LAMA2: variants seen among roughly 807,000 people sequenced by gnomAD.
LAMA2 encodes the protein laminin subunit alpha-2.
Under a neutral mutation model 364.8 loss-of-function variants are expected in LAMA2, and 269 were observed. That is an observed-to-expected ratio of 0.74 (90% CI 0.67 to 0.82). The LOEUF (loss-of-function observed/expected upper bound fraction) is 0.82. Among genes scored for constraint, LAMA2 ranks in the 40% least tolerant of loss-of-function variants. The probability of loss-of-function intolerance (pLI) is 0.00; values close to 1 mark genes in which losing one functional copy is unlikely to be tolerated. For missense variants in LAMA2, 3,807 were observed against 3,873.2 expected, an observed-to-expected ratio of 0.98 and a Z score of 0.45; for synonymous variants, 1,379 against 1,370.6, an observed-to-expected ratio of 1.01 and a Z score of -0.14.
At chr6:129,275,587 A>T (rs1199718533) in intron 17 of LAMA2, among the ~76,000 whole-genome samples, 1 of 152,054 alleles carries the variant, frequency 6.6e-6, no homozygotes, top group African/African-American at 2.4e-5. Context: ...ATTATGCTAC[A>T]TAGTTACAGT....
intron 4 of LAMA2, among the ~76,000 whole-genome samples, chr6:129,117,182 A>T (rs1490075981): frequency 1.3e-5 from 2 of 152,206 alleles, no homozygotes; most frequent in Non-Finnish European, 2.9e-5. Flanking sequence ...TTTTATTAGC[A>T]ATGAATTCTC....
intron 12 of LAMA2, among the ~76,000 whole-genome samples, chr6:129,233,993 A>T (rs1030755611): frequency 6.6e-6 from 1 of 152,150 alleles, no homozygotes; most frequent in African/African-American, 2.4e-5. Flanking sequence ...TTTTTTCCGC[A>T]TCTGACCAAG....
chr6:128,921,709 T>TGTTTTG (rs1453277376), intron 1 of LAMA2, among the ~76,000 whole-genome samples: 2 of 133,500 alleles, frequency 1.5e-5, no homozygotes, highest in African/African-American at 6.9e-5. Flanking sequence ...TTTTTTTTTT[T>TGTTTTG]TTTTATTATT....
chr6:129,124,721 C>T (rs1320560226), intron 4 of LAMA2, among the ~76,000 whole-genome samples: 1 of 152,124 alleles, frequency 6.6e-6, no homozygotes, highest in African/African-American at 2.4e-5. Flanking sequence ...ATTTTAAATA[C>T]CATATATTTA....
chr6:129,243,381 A>G (rs574865022), intron 12 of LAMA2, among the ~76,000 whole-genome samples: 16 of 152,218 alleles, frequency 1.1e-4, no homozygotes, highest in African/African-American at 3.1e-4. Context: ...CCCCTTGCCA[A>G]TCAAAACACT....
intron 4 of LAMA2, among the ~76,000 whole-genome samples, chr6:129,142,999 T>C (rs1246128695): frequency 1.3e-5 from 2 of 152,012 alleles, no homozygotes; most frequent in Non-Finnish European, 2.9e-5. Flanking sequence ...ATTAGGAACA[T>C]CCTTCCTTTA....
intron 1 of LAMA2, among the ~76,000 whole-genome samples, chr6:128,973,233 G>A (rs1782301759): frequency 2.6e-5 from 4 of 152,256 alleles, no homozygotes; most frequent in Middle Eastern, 6.8e-3. Flanking sequence ...ATGAGCCCAG[G>A]ACATTAGAGC....
At chr6:129,204,134 G>A (rs1029659547) in intron 12 of LAMA2, among the ~76,000 whole-genome samples, 1 of 152,188 alleles carries the variant, frequency 6.6e-6, no homozygotes, top group Non-Finnish European at 1.5e-5. Flanking sequence ...CAAGTACGTA[G>A]ATTATATGCC....
chr6:129,169,578 G>T (rs1447664137), intron 9 of LAMA2, among the ~76,000 whole-genome samples: 1 of 151,732 alleles, frequency 6.6e-6, no homozygotes, highest in Non-Finnish European at 1.5e-5. Context: ...ATTTTACTGA[G>T]GATTTTTGCA....
chr6:129,377,006 C>T (rs2114641869), intron 34 of LAMA2, among the ~76,000 whole-genome samples: 1 of 152,178 alleles, frequency 6.6e-6, no homozygotes, highest in East Asian at 1.9e-4. Flanking sequence ...ATTTGAACAA[C>T]AAGATGGAAA....
intron 1 of LAMA2, among the ~76,000 whole-genome samples, chr6:129,023,410 T>C (rs1785581202): frequency 6.6e-6 from 1 of 152,196 alleles, no homozygotes; most frequent in African/African-American, 2.4e-5. Context: ...TCTGCTCCTC[T>C]TTTTCCATTC....
At chr6:129,509,126 T>G (rs566983369) in intron 62 of LAMA2, among the ~76,000 whole-genome samples, 1 of 152,346 alleles carries the variant, frequency 6.6e-6, no homozygotes, top group East Asian at 1.9e-4. Context: ...CCTTTTGATA[T>G]ACCTGTTTTT....
At chr6:128,966,761 C>G (rs978901620) in intron 1 of LAMA2, among the ~76,000 whole-genome samples, 3 of 152,092 alleles carry the variant, frequency 2.0e-5, no homozygotes, top group African/African-American at 7.2e-5. Flanking sequence ...ATGGGCTTTT[C>G]TTCATCAAAT....
intron 46 of LAMA2, 24 bp downstream of exon 46, chr6:129,453,155 A>C: frequency 6.2e-7 from 1 of 1,602,928 alleles, no homozygotes; most frequent in Non-Finnish European, 8.5e-7. Context: ...TCAACTTTTC[A>C]TTAGGCTGCT....
chr6:129,186,517 G>A (rs1483744591), intron 10 of LAMA2, among the ~76,000 whole-genome samples: 1 of 150,592 alleles, frequency 6.6e-6, no homozygotes, highest in Non-Finnish European at 1.5e-5. Context: ...TTCAATAAAT[G>A]CCCTTTAGTA....
In LAMA2 at chr6:128,923,666, A is replaced by G. The variant is rs530694228; in HGVS notation, c.112+40309A>G. 4.1e-4 allele frequency among the ~76,000 whole-genome samples: 62 copies of G among 152,314 alleles called. 1 individual carries two copies. The South Asian group carries it at 0.011, about 27-fold the overall frequency. Reference sequence around the variant, plus strand: ...CCCACTGTTCTCAATATCACTGCTAATTCCTATAAGAACACAATTACTCAA... The same window carrying G: ...CCCACTGTTCTCAATATCACTGCTAGTTCCTATAAGAACACAATTACTCAA... On this transcript the variant is annotated intron_variant, in intron 1 of 64. Coordinates refer to ENST00000421865, the MANE Select transcript of LAMA2 (RefSeq NM_000426.4).
At chr6:129,392,931 T>C in intron 36 of LAMA2, 114 bp from the exon 37 acceptor site, 2 of 843,056 alleles carry the variant, frequency 2.4e-6, no homozygotes, top group Non-Finnish European at 1.9e-6. Flanking sequence ...ACATGTTTTC[T>C]TATTTTCTCA....
chr6:128,938,488 T>C (rs1202974553), intron 1 of LAMA2, among the ~76,000 whole-genome samples: 1 of 152,110 alleles, frequency 6.6e-6, no homozygotes, highest in East Asian at 1.9e-4. Flanking sequence ...CAGCCACCAG[T>C]TGTATATAGA....
intron 12 of LAMA2, among the ~76,000 whole-genome samples, chr6:129,245,851 A>G (rs1377511046): frequency 1.3e-5 from 2 of 152,202 alleles, no homozygotes; most frequent in Non-Finnish European, 2.9e-5. Context: ...TGGCAGGAAA[A>G]TTCATTTTTA....
Sources: allele counts gnomAD v4.1 joint callset (sites outside exome capture counted in the v4.1 genomes callset), GRCh38; gene constraint gnomAD v4.1.1; transcripts MANE v1.5; gene names NCBI Gene and HGNC (gene_info 2026-07-23, HGNC 2026-07-21).